Variants in ZFPM2 observed in about 807,000 individuals in gnomAD.
The protein encoded by ZFPM2 is zinc finger protein ZFPM2.
In ZFPM2, 20 loss-of-function variants were observed where a neutral mutation model predicts 98.6. That is an observed-to-expected ratio of 0.20 (90% CI 0.14 to 0.29). The LOEUF (loss-of-function observed/expected upper bound fraction) is 0.29, where lower values mean the gene tolerates loss of function less well. ZFPM2 is among the 10% of genes least tolerant of loss of function. ZFPM2 has a pLI of 1.00. For missense variants in ZFPM2, 1,310 were observed against 1,388.6 expected, an observed-to-expected ratio of 0.94 and a Z score of 0.90; for synonymous variants, 518 against 502.7, an observed-to-expected ratio of 1.03 and a Z score of -0.41.
chr8:105,680,545 CTT>C (rs941652144), intron 5 of ZFPM2, among the ~76,000 whole-genome samples: 2 of 152,138 alleles, frequency 1.3e-5, no homozygotes, highest in African/African-American at 4.8e-5. Flanking sequence ...TAATTCATCT[CTT>C]TACTATCTTC....
intron 5 of ZFPM2, among the ~76,000 whole-genome samples, chr8:105,696,278 C>A (rs1460665888): frequency 1.3e-5 from 2 of 152,146 alleles, no homozygotes; most frequent in African/African-American, 4.8e-5. Flanking sequence ...GGAGAAATTG[C>A]CTACCAAATC....
At chr8:105,477,824 A>G (rs1468937984) in intron 3 of ZFPM2, among the ~76,000 whole-genome samples, 1 of 152,170 alleles carries the variant, frequency 6.6e-6, no homozygotes, top group Non-Finnish European at 1.5e-5. Context: ...TTTCAAGGTT[A>G]TATAATGAGT....
At chr8:105,494,134 G>C (rs1369421083) in intron 3 of ZFPM2, among the ~76,000 whole-genome samples, 1 of 141,974 alleles carries the variant, frequency 7.0e-6, no homozygotes, top group Non-Finnish European at 1.5e-5. Flanking sequence ...CACTAGGTCA[G>C]TGACTTCCAA....
chr8:105,573,305 G>A (rs892517818), intron 4 of ZFPM2, among the ~76,000 whole-genome samples: 1 of 152,160 alleles, frequency 6.6e-6, no homozygotes, highest in Non-Finnish European at 1.5e-5. Context: ...TGAATTCTAG[G>A]GAAGGGAATT....
chr8:105,495,856 T>C (rs1193349387), intron 3 of ZFPM2, among the ~76,000 whole-genome samples: 1 of 152,250 alleles, frequency 6.6e-6, no homozygotes, highest in Non-Finnish European at 1.5e-5. Flanking sequence ...TCACAGCCTA[T>C]GTGTTTTTAT....
intron 1 of ZFPM2, among the ~76,000 whole-genome samples, chr8:105,321,272 G>A (rs1183733067): frequency 6.6e-6 from 1 of 152,158 alleles, no homozygotes; most frequent in African/African-American, 2.4e-5. Context: ...ATCCAAAGTC[G>A]TTATTATTGT....
chr8:105,769,880 G>A (rs1372573158), intron 5 of ZFPM2, among the ~76,000 whole-genome samples: 1 of 151,580 alleles, frequency 6.6e-6, no homozygotes, highest in Admixed American at 6.6e-5. Context: ...TATGTACGAA[G>A]GGAAAAAAAT....
chr8:105,734,265 G>A (rs1002204822), intron 5 of ZFPM2, among the ~76,000 whole-genome samples: 6 of 151,866 alleles, frequency 4.0e-5, no homozygotes, highest in African/African-American at 1.4e-4. Context: ...AAATAGCCTT[G>A]CATCTGAGCC....
intron 1 of ZFPM2, among the ~76,000 whole-genome samples, chr8:105,411,301 A>G (rs1421076671): frequency 6.6e-6 from 1 of 151,786 alleles, no homozygotes; most frequent in African/African-American, 2.4e-5. Context: ...AGGATATTAT[A>G]TGAGAAGCCT....
At chr8:105,407,202 G>T (rs1446469554) in intron 1 of ZFPM2, among the ~76,000 whole-genome samples, 1 of 151,530 alleles carries the variant, frequency 6.6e-6, no homozygotes, top group Non-Finnish European at 1.5e-5. Context: ...CAAAACAGGG[G>T]ATGGGTGGTG....
rs1418852537 is a variant in ZFPM2 at position 105,801,403 on chromosome 8, T to A, written c.1321T>A (p.Cys441Ser). Residue 441 changes from cysteine to serine, a missense_variant, in exon 8 of 8, where the codon TGT becomes AGT. Physicochemically the swap from Cys to Ser is moderately radical, Grantham distance 112. Coordinates refer to ENST00000407775, the MANE Select transcript of ZFPM2 (RefSeq NM_012082.4). ...GAGCTCTGACACAGAGCTGGACAAG[T>A]GTGAGAAAAAGACTCAGCTCTTTCT... ...DASSDTELDK[C>S]EKKTQLFLTN... 6.2e-7 allele frequency: 1 copy of A among 1,613,906 alleles called. No individual in the cohort carries two copies. The highest frequency in any genetic ancestry group is 1.7e-5 in the Admixed American group (1 of 59,988).
At chr8:105,739,388 T>C (rs543039673) in intron 5 of ZFPM2, among the ~76,000 whole-genome samples, 14 of 152,162 alleles carry the variant, frequency 9.2e-5, no homozygotes, top group Non-Finnish European at 1.9e-4. Context: ...ACTGTACACA[T>C]CTGTATGAGT....
At chr8:105,721,977 A>AT (rs1330675340) in intron 5 of ZFPM2, among the ~76,000 whole-genome samples, 1 of 151,966 alleles carries the variant, frequency 6.6e-6, no homozygotes, top group Non-Finnish European at 1.5e-5. Context: ...AATACTATAT[A>AT]TAGGTATAAT....
At chr8:105,344,902 G>C (rs1812489248) in intron 1 of ZFPM2, among the ~76,000 whole-genome samples, 1 of 151,982 alleles carries the variant, frequency 6.6e-6, no homozygotes, top group South Asian at 2.1e-4. Context: ...TATATGCGTG[G>C]ACATTTTTAA....
At chr8:105,471,663 C>T (rs747365577) in intron 3 of ZFPM2, among the ~76,000 whole-genome samples, 16 of 152,092 alleles carry the variant, frequency 1.1e-4, no homozygotes, top group African/African-American at 4.8e-5. Flanking sequence ...GTTGATGGTA[C>T]GCAAGCGGAA....
intron 1 of ZFPM2, among the ~76,000 whole-genome samples, chr8:105,320,435 C>A (rs1327597109): frequency 6.6e-6 from 1 of 151,558 alleles, no homozygotes; most frequent in East Asian, 1.9e-4. Flanking sequence ...AATCAAGTAG[C>A]GATATCGTTT....
At chr8:105,570,336 AG>A (rs1483877642) in intron 4 of ZFPM2, among the ~76,000 whole-genome samples, 4 of 150,146 alleles carry the variant, frequency 2.7e-5, no homozygotes, top group Non-Finnish European at 5.9e-5. Context: ...TTTTTGATGG[AG>A]GGGGATTACT....
intron 1 of ZFPM2, among the ~76,000 whole-genome samples, chr8:105,373,514 GCCTTACA>G (rs1810664187): frequency 6.6e-6 from 1 of 152,070 alleles, no homozygotes; most frequent in Non-Finnish European, 1.5e-5. Context: ...GCTTCTCTGG[GCCTTACA>G]GTCATCATTA....
chr8:105,372,041 ATTATTAT>A (rs1385680446), intron 1 of ZFPM2, among the ~76,000 whole-genome samples: 1 of 75,878 alleles, frequency 1.3e-5, no homozygotes, highest in Non-Finnish European at 2.8e-5. Context: ...TATTATTATT[ATTATTAT>A]TTTATTTTTT....
Sources: gnomAD v4.1 joint callset for allele counts (sites outside exome capture counted in the v4.1 genomes callset) on GRCh38, gnomAD v4.1.1 for gene constraint, MANE v1.5 for transcripts, NCBI Gene and HGNC (gene_info 2026-07-23, HGNC 2026-07-21) for gene names.